The following WNK2 variants were observed in gnomAD, a reference collection of about 807,000 sequenced individuals.
WNK2 encodes the protein serine/threonine-protein kinase WNK2.
WNK2 carries 67 observed loss-of-function variants against 192.1 expected under a neutral mutation model. The observed-to-expected ratio is 0.35, with a 90% CI of 0.29 to 0.43. The LOEUF (loss-of-function observed/expected upper bound fraction) is 0.43. Ranked by LOEUF, WNK2 falls within the 20% of genes least tolerant of loss-of-function variation. WNK2 has a pLI of 1.00. For synonymous variants in WNK2, 1,439 were observed against 1,393.9 expected (o/e 1.03, Z -0.72); for missense variants, 2,698 against 3,089.7 (o/e 0.87, Z 3.01).
At chr9:93,227,307 G>C (rs1564030612) in intron 2 of WNK2, among the ~76,000 whole-genome samples, 2 of 151,920 alleles carry the variant, frequency 1.3e-5, no homozygotes, top group African/African-American at 4.8e-5. Flanking sequence ...TAGAGACGGG[G>C]TTTCACCATG....
At chr9:93,298,856 C>A (rs573125471) in intron 24 of WNK2, among the ~76,000 whole-genome samples, 1 of 152,338 alleles carries the variant, frequency 6.6e-6, no homozygotes, top group South Asian at 2.1e-4. Flanking sequence ...CAACACAAGT[C>A]CAGCACGGCA....
intron 19 of WNK2, among the ~76,000 whole-genome samples, chr9:93,270,485 A>T (rs996105032): frequency 1.3e-5 from 2 of 152,210 alleles, no homozygotes; most frequent in Non-Finnish European, 2.9e-5. Flanking sequence ...ACTTGGGAAA[A>T]TTTTAGCAGT....
intron 2 of WNK2, among the ~76,000 whole-genome samples, chr9:93,219,459 C>T (rs1272471051): frequency 1.3e-5 from 2 of 152,248 alleles, no homozygotes; most frequent in South Asian, 2.1e-4. Context: ...GGAGGAAGCC[C>T]TTTCCCTTTC....
intron 2 of WNK2, among the ~76,000 whole-genome samples, chr9:93,228,993 T>C (rs1027876509): frequency 6.6e-6 from 1 of 152,078 alleles, no homozygotes; most frequent in African/African-American, 2.4e-5. Context: ...TGTGGGATGG[T>C]GGGCAGAGCG....
chr9:93,222,445 C>T (rs1161080624), intron 2 of WNK2, among the ~76,000 whole-genome samples: 1 of 152,150 alleles, frequency 6.6e-6, no homozygotes, highest in Non-Finnish European at 1.5e-5. Context: ...TTCTTGGAGC[C>T]CTTGACAAAG....
chr9:93,238,083 A>G (rs1588106191), intron 5 of WNK2, 150 bp from the exon 6 acceptor site: 3 of 648,228 alleles, frequency 4.6e-6, no homozygotes, highest in African/African-American at 1.8e-5. Context: ...TCCGTTTCAC[A>G]TATTTTGCCC....
intron 8 of WNK2, among the ~76,000 whole-genome samples, chr9:93,252,164 A>T (rs942816453): frequency 6.6e-6 from 1 of 152,220 alleles, no homozygotes; most frequent in African/African-American, 2.4e-5. Flanking sequence ...CCACAGGCTG[A>T]AGATGTTCCC....
chr9:93,215,239 G>A (rs941885715), intron 2 of WNK2, among the ~76,000 whole-genome samples: 50 of 152,144 alleles, frequency 3.3e-4, no homozygotes, highest in Non-Finnish European at 7.4e-5. Flanking sequence ...CTCCCTGACT[G>A]TAGCTAAGAT....
At position 93,284,558 on chromosome 9, in the gene WNK2, G is replaced by A. The variant is rs80284601; in HGVS notation, c.4034-4230G>A. On this transcript the variant is annotated intron_variant, in intron 19 of 29. Transcript: ENST00000427277. ...AACAAGATAAGGATGCCTATTCTCA[G>A]CACTTCTATTAAGTATCCTGTGTCC... Among the ~76,000 whole-genome samples the A allele has an allele frequency of 2.4e-3, 361 of 149,802 alleles. 12 individuals are homozygous for A. The East Asian group carries it at 0.061, about 25-fold the overall frequency.
At position 93,292,844 on chromosome 9, in the gene WNK2, G is replaced by A. The variant is rs749603224; in HGVS notation, c.5379G>A (p.Thr1793=). The A allele has an allele frequency of 2.2e-5, 33 of 1,497,938 alleles. No individual in the cohort carries two copies. In the African/African-American group the frequency reaches 3.5e-4, roughly 16 times the overall value. The allele number at this position is 1,497,938 out of a possible 1,614,324, so 92.8% of individuals were successfully genotyped here. ...DVKLAVRRAQ[T]ASSIEVGVGE... Reference sequence around the variant, plus strand: ...AGCTGGCAGTGCGGCGGGCGCAGACGGCCTCCTCCATCGAGGTCGGCGTGG... The same window carrying A: ...AGCTGGCAGTGCGGCGGGCGCAGACAGCCTCCTCCATCGAGGTCGGCGTGG... The change falls in exon 23 of 30, where the codon ACG becomes ACA. Residue 1793 remains threonine (T), a synonymous_variant. Transcript: ENST00000427277.
intron 9 of WNK2, among the ~76,000 whole-genome samples, chr9:93,255,917 A>G (rs1197865241): frequency 6.6e-6 from 1 of 152,200 alleles, no homozygotes; most frequent in Non-Finnish European, 1.5e-5. Flanking sequence ...GTTTCTCTCC[A>G]TATCGTCTGT....
At chr9:93,231,971 G>A (rs549330308) in intron 4 of WNK2, among the ~76,000 whole-genome samples, 237 of 152,212 alleles carry the variant, frequency 1.6e-3, no homozygotes, top group Non-Finnish European at 2.0e-3. Flanking sequence ...CTGTTTCTGG[G>A]GCCAGGATGA....
chr9:93,270,973 A>G (rs977988927), intron 19 of WNK2, among the ~76,000 whole-genome samples: 1 of 152,192 alleles, frequency 6.6e-6, no homozygotes, highest in Admixed American at 6.5e-5. Flanking sequence ...GGTGAGTCCT[A>G]GGGAACCAGG....
At chr9:93,216,428 T>A (rs1024556717) in intron 2 of WNK2, among the ~76,000 whole-genome samples, 1 of 152,110 alleles carries the variant, frequency 6.6e-6, no homozygotes, top group Admixed American at 6.6e-5. Flanking sequence ...GGTGGATCGC[T>A]TGAGCCCAGG....
At chr9:93,197,139 G>T (rs1370379149) in intron 2 of WNK2, among the ~76,000 whole-genome samples, 1 of 152,228 alleles carries the variant, frequency 6.6e-6, no homozygotes, top group South Asian at 2.1e-4. Flanking sequence ...AGAGAAGTTG[G>T]AGTTACCAGT....
In WNK2 at chr9:93,259,070, C is replaced by A; in HGVS notation, c.2522C>A (p.Pro841Gln). Residue 841 changes from proline to glutamine, a missense_variant, in exon 12 of 30, where the codon CCG becomes CAG. Physicochemically the swap from Pro to Gln is moderately conservative, Grantham distance 76. Coordinates refer to ENST00000427277, the MANE Select transcript of WNK2 (RefSeq NM_006648.4). This position sits in a 1 kb window ranked among gnomAD's most constrained non-coding sequence, Gnocchi z 4.8. The stretch of plus-strand genomic sequence containing the variant: ...TATTTCTCTCCAGCCGTGATCTTGC[C>A]GAGCCTCGCTGCCCCACTCCCCCCT... ...PQYFSPAVIL[P>Q]SLAAPLPPAS... 6 of 1,613,208 alleles carry A rather than the reference C, an allele frequency of 3.7e-6. No homozygotes were observed. Among genetic ancestry groups the A allele is most frequent in the Non-Finnish European group, 5.1e-6 (6 of 1,179,788 alleles).
At chr9:93,308,869 G>A in intron 28 of WNK2, 1 of 1,319,266 alleles carries the variant, frequency 7.6e-7, no homozygotes, top group Non-Finnish European at 9.7e-7. Flanking sequence ...CCCCAGCCTG[G>A]GCAGCCCAAG....
intron 28 of WNK2, among the ~76,000 whole-genome samples, chr9:93,312,699 T>G (rs1267096887): frequency 6.6e-6 from 1 of 152,186 alleles, no homozygotes; most frequent in Non-Finnish European, 1.5e-5. Flanking sequence ...CTTTTTCTGG[T>G]ATGTGCATAT....
rs1250372516 is a variant in WNK2 at position 93,239,624 on chromosome 9, G to A, written c.1323-133G>A. ...TGAAATCTTTTCTTTACCCCTGGGA[G>A]TGCTGAGACATGAGGCCTGGCCTCA... On this transcript the variant is annotated intron_variant, in intron 6 of 29. Transcript: ENST00000427277. This position sits in a 1 kb window ranked among gnomAD's most constrained non-coding sequence, Gnocchi z 4.2. 2.9e-6 allele frequency: 2 copies of A among 685,794 alleles called. No individual in the cohort carries two copies. The highest frequency in any genetic ancestry group is 4.9e-6 in the Non-Finnish European group (2 of 409,082). The allele number at this position is 685,794 out of a possible 1,614,324, so 42.5% of individuals were successfully genotyped here.
Sources: allele counts gnomAD v4.1 joint callset (sites outside exome capture counted in the v4.1 genomes callset), GRCh38; gene constraint gnomAD v4.1.1; non-coding constraint Gnocchi (gnomAD v3.1); transcripts MANE v1.5; gene names NCBI Gene and HGNC (gene_info 2026-07-23, HGNC 2026-07-21).